Variants in SDK1 observed in about 807,000 individuals in gnomAD.
The protein encoded by SDK1 is sidekick cell adhesion molecule 1, also known as protein sidekick-1.
A neutral mutation model predicts 245.5 loss-of-function variants in SDK1; 157 were observed. The ratio of observed to expected loss-of-function variants is 0.64; its 90% CI spans 0.56 to 0.73. The LOEUF (loss-of-function observed/expected upper bound fraction) is 0.73, where lower values mean the gene tolerates loss of function less well. SDK1 is among the 30% of genes least tolerant of loss of function. SDK1 has a pLI of 0.00. For synonymous variants in SDK1, 1,647 were observed against 1,278.5 expected, an observed-to-expected ratio of 1.29 and a Z score of -6.15; for missense variants, 3,583 against 3,002.3, an observed-to-expected ratio of 1.19 and a Z score of -4.52.
At chr7:4,160,366 C>A (rs1044912580) in intron 31 of SDK1, among the ~76,000 whole-genome samples, 3 of 152,110 alleles carry the variant, frequency 2.0e-5, no homozygotes, top group East Asian at 1.9e-4. Flanking sequence ...TCCAAAAGGA[C>A]CATTTTTGAA....
At chr7:3,594,280 A>G (rs1317131325) in intron 1 of SDK1, among the ~76,000 whole-genome samples, 2 of 152,186 alleles carry the variant, frequency 1.3e-5, no homozygotes, top group Non-Finnish European at 2.9e-5. Context: ...ACATGTGTCA[A>G]CACCCAAATT....
At chr7:3,656,417 T>A (rs1783186721) in intron 4 of SDK1, among the ~76,000 whole-genome samples, 1 of 152,216 alleles carries the variant, frequency 6.6e-6, no homozygotes, top group Non-Finnish European at 1.5e-5. Flanking sequence ...CTCTGACAAA[T>A]ACCTCCTTGC....
chr7:4,159,728 C>G (rs1780996926), intron 31 of SDK1, among the ~76,000 whole-genome samples: 2 of 152,186 alleles, frequency 1.3e-5, no homozygotes, highest in Non-Finnish European at 2.9e-5. Flanking sequence ...TAGATTCAAC[C>G]AACTGTGGAT....
At chr7:3,638,855 C>A in intron 2 of SDK1, 149 bp from the exon 3 acceptor site, 1 of 390,138 alleles carries the variant, frequency 2.6e-6, no homozygotes. Context: ...GGAAGGATTG[C>A]ACAGATACTA....
intron 1 of SDK1, among the ~76,000 whole-genome samples, chr7:3,510,784 T>A (rs537641442): frequency 6.6e-6 from 1 of 152,302 alleles, no homozygotes; most frequent in South Asian, 2.1e-4. Flanking sequence ...CTCTCCTACA[T>A]CCAAGACAGG....
At chr7:3,853,852 G>A (rs984489262) in intron 5 of SDK1, among the ~76,000 whole-genome samples, 1 of 152,080 alleles carries the variant, frequency 6.6e-6, no homozygotes, top group South Asian at 2.1e-4. Context: ...AGCTAGGCTT[G>A]GTGGCGCACC....
intron 5 of SDK1, among the ~76,000 whole-genome samples, chr7:3,880,267 C>G (rs752316725): frequency 6.6e-6 from 1 of 152,190 alleles, no homozygotes; most frequent in Non-Finnish European, 1.5e-5. Context: ...AAATAAATCC[C>G]GAACAGCTGG....
intron 1 of SDK1, among the ~76,000 whole-genome samples, chr7:3,542,435 C>A (rs1004465786): frequency 1.4e-4 from 22 of 152,126 alleles, no homozygotes; most frequent in Non-Finnish European, 2.9e-4. Flanking sequence ...TTCTCCCAGG[C>A]TCCTGGGCTG....
chr7:3,791,363 T>A (rs1781083460), intron 4 of SDK1, among the ~76,000 whole-genome samples: 1 of 152,142 alleles, frequency 6.6e-6, no homozygotes, highest in South Asian at 2.1e-4. Flanking sequence ...CGGGGCTCCG[T>A]ATTTTACAAG....
At chr7:3,664,507 G>C (rs1003270176) in intron 4 of SDK1, among the ~76,000 whole-genome samples, 2 of 152,166 alleles carry the variant, frequency 1.3e-5, no homozygotes, top group African/African-American at 4.8e-5. Flanking sequence ...GGGAGGCCGA[G>C]GTGGGTGGAT....
intron 1 of SDK1, among the ~76,000 whole-genome samples, chr7:3,612,426 C>T (rs947285492): frequency 1.3e-5 from 2 of 152,104 alleles, no homozygotes; most frequent in African/African-American, 2.4e-5. Flanking sequence ...GAAGAAAGCA[C>T]ATTGCACTGT....
intron 4 of SDK1, among the ~76,000 whole-genome samples, chr7:3,768,520 CTG>C (rs910811379): frequency 6.6e-6 from 1 of 152,204 alleles, no homozygotes; most frequent in Admixed American, 6.5e-5. Context: ...GTTCCTGAGA[CTG>C]TGTCTGATAA....
intron 5 of SDK1, among the ~76,000 whole-genome samples, chr7:3,915,112 G>A (rs771037237): frequency 7.9e-5 from 12 of 152,202 alleles, no homozygotes; most frequent in Non-Finnish European, 1.6e-4. Context: ...CTAAGGGCAC[G>A]AGAAGTTGAG....
intron 1 of SDK1, among the ~76,000 whole-genome samples, chr7:3,339,097 T>C (rs1040489862): frequency 6.6e-6 from 1 of 152,062 alleles, no homozygotes; most frequent in African/African-American, 2.4e-5. Flanking sequence ...AGGTTGAAAG[T>C]AAAGGATGGA....
intron 1 of SDK1, among the ~76,000 whole-genome samples, chr7:3,436,969 A>G (rs971992955): frequency 2.0e-5 from 3 of 152,184 alleles, no homozygotes; most frequent in African/African-American, 4.8e-5. Flanking sequence ...TGTCTAACGG[A>G]TTAGTCACAA....
intron 4 of SDK1, among the ~76,000 whole-genome samples, chr7:3,798,015 A>C (rs967503276): frequency 6.6e-6 from 1 of 152,142 alleles, no homozygotes; most frequent in African/African-American, 2.4e-5. Context: ...AACATCTTAC[A>C]TGACCCTAGT....
At chr7:3,362,140 T>C (rs532932942) in intron 1 of SDK1, among the ~76,000 whole-genome samples, 84 of 152,322 alleles carry the variant, frequency 5.5e-4, no homozygotes, top group Admixed American at 2.2e-3. Context: ...TGTGCTGTGA[T>C]AAATAACTCT....
chr7:3,437,104 T>TA (rs900330708), intron 1 of SDK1, among the ~76,000 whole-genome samples: 5 of 152,316 alleles, frequency 3.3e-5, no homozygotes, highest in African/African-American at 9.6e-5. Flanking sequence ...AAAAGACGAT[T>TA]AATACATCCT....
chr7:3,961,971 A>T (rs1251463060), intron 8 of SDK1, among the ~76,000 whole-genome samples: 1 of 151,582 alleles, frequency 6.6e-6, no homozygotes, highest in East Asian at 1.9e-4. Flanking sequence ...ACACATAAAC[A>T]CATGCACATA....
Sources: allele counts gnomAD v4.1 joint callset (sites outside exome capture counted in the v4.1 genomes callset), GRCh38; gene constraint gnomAD v4.1.1; transcripts MANE v1.5; gene names NCBI Gene and HGNC (gene_info 2026-07-23, HGNC 2026-07-21).